GAS2: variants seen among roughly 807,000 people sequenced by gnomAD.
GAS2 encodes growth arrest-specific protein 2.
Under a neutral mutation model 37.5 loss-of-function variants are expected in GAS2, and 20 were observed. The ratio of observed to expected loss-of-function variants is 0.53; its 90% confidence interval spans 0.37 to 0.77. GAS2 has a LOEUF of 0.77. Among genes scored for constraint, GAS2 ranks in the 30% least tolerant of loss-of-function variants. The pLI is 0.00. For synonymous variants in GAS2, 144 were observed against 132.2 expected (o/e 1.09, Z -0.61); for missense variants, 336 against 373.4 (o/e 0.90, Z 0.82).
chr11:22,767,350 GT>G (rs939641106), intron 7 of GAS2, among the ~76,000 whole-genome samples: 7 of 151,236 alleles, frequency 4.6e-5, no homozygotes, highest in Admixed American at 6.6e-5. Context: ...TCCTTTTGAA[GT>G]TTTTTTTTAA....
intron 1 of GAS2, 102 bp from the exon 2 acceptor site, chr11:22,674,748 C>A: frequency 1.2e-6 from 1 of 828,392 alleles, no homozygotes; most frequent in Non-Finnish European, 1.8e-6. Flanking sequence ...ACTGAACTGT[C>A]ATCAGAAAAC....
At chr11:22,679,287 A>G (rs980527441) in intron 2 of GAS2, among the ~76,000 whole-genome samples, 1 of 152,052 alleles carries the variant, frequency 6.6e-6, no homozygotes, top group Non-Finnish European at 1.5e-5. Context: ...TTATTTAGCC[A>G]TTGTTGCCTA....
At chr11:22,680,316 TG>T (rs1849618147) in intron 2 of GAS2, among the ~76,000 whole-genome samples, 1 of 152,126 alleles carries the variant, frequency 6.6e-6, no homozygotes, top group Non-Finnish European at 1.5e-5. Flanking sequence ...AGAACCAGCT[TG>T]ATCTTTTTTG....
intron 4 of GAS2, among the ~76,000 whole-genome samples, chr11:22,737,496 A>G (rs1366932054): frequency 1.3e-5 from 2 of 152,180 alleles, no homozygotes; most frequent in African/African-American, 4.8e-5. Context: ...AATAGCTTTC[A>G]AGAGGAAGCA....
At chr11:22,689,424 T>C (rs1229457440) in intron 3 of GAS2, among the ~76,000 whole-genome samples, 3 of 152,216 alleles carry the variant, frequency 2.0e-5, no homozygotes, top group Non-Finnish European at 4.4e-5. Flanking sequence ...CACGACTGAC[T>C]GCCAGTAATA....
chr11:22,810,937 C>T (rs903817930), intron 7 of GAS2, among the ~76,000 whole-genome samples: 16 of 152,168 alleles, frequency 1.1e-4, no homozygotes, highest in African/African-American at 3.6e-4. Flanking sequence ...TTACAGTGCC[C>T]GTATGTATCC....
chr11:22,786,264 A>G (rs1855813962), intron 7 of GAS2, among the ~76,000 whole-genome samples: 1 of 152,148 alleles, frequency 6.6e-6, no homozygotes, highest in South Asian at 2.1e-4. Flanking sequence ...ACTTCATCCG[A>G]GCTGTCACCA....
At chr11:22,738,838 G>T (rs958663121) in intron 5 of GAS2, among the ~76,000 whole-genome samples, 1 of 152,060 alleles carries the variant, frequency 6.6e-6, no homozygotes, top group African/African-American at 2.4e-5. Flanking sequence ...TGTGCATCGG[G>T]TATAAATTTC....
intron 3 of GAS2, 93 bp downstream of exon 3, chr11:22,685,882 C>A: frequency 8.0e-7 from 1 of 1,255,442 alleles, no homozygotes; most frequent in Non-Finnish European, 1.1e-6. Context: ...TTATTGTGAA[C>A]GGATGCATCA....
chr11:22,626,712 CTT>C (rs1858660043), intron 1 of GAS2: 1 of 152,102 alleles, frequency 6.6e-6, no homozygotes, highest in Admixed American at 6.5e-5. Context: ...GCTGAATTTC[CTT>C]CCAGTCCTAA....
At chr11:22,777,360 A>G (rs1371033294) in intron 7 of GAS2, among the ~76,000 whole-genome samples, 1 of 152,224 alleles carries the variant, frequency 6.6e-6, no homozygotes, top group Non-Finnish European at 1.5e-5. Flanking sequence ...GAAAGACTCA[A>G]GAGTTAATTA....
Position 22,647,725 on chromosome 11 carries a change from T to A in GAS2, c.-21+21912T>A, listed in dbSNP as rs1242304681. 3.9e-5 allele frequency among the ~76,000 whole-genome samples: 6 copies of A among 152,194 alleles called. No individual in the cohort carries two copies. The East Asian group carries it at 1.2e-3, about 29-fold the overall frequency. On this transcript the variant is annotated intron_variant, in intron 1 of 5. Coordinates refer to the GAS2 transcript ENST00000528582. Reference sequence around the variant, plus strand: ...TCTTGGCTGCATAAATGTCTTCTTTTGAGAAGTGTCTGTTCATGTCCTTCG... The same window carrying A: ...TCTTGGCTGCATAAATGTCTTCTTTAGAGAAGTGTCTGTTCATGTCCTTCG...
chr11:22,749,775 C>G (rs1232912255), intron 6 of GAS2, among the ~76,000 whole-genome samples: 1 of 151,988 alleles, frequency 6.6e-6, no homozygotes, highest in Non-Finnish European at 1.5e-5. Context: ...TAGATTCCAA[C>G]AAAAGTTTTG....
At chr11:22,732,778 TCATCATC>T (rs1565115694) in intron 4 of GAS2, among the ~76,000 whole-genome samples, 1 of 105,696 alleles carries the variant, frequency 9.5e-6, no homozygotes, top group Non-Finnish European at 2.2e-5. Context: ...TTTATCATCA[TCATCATC>T]ATCATCATCA....
intron 3 of GAS2, among the ~76,000 whole-genome samples, chr11:22,688,122 G>A (rs542200854): frequency 1.2e-4 from 19 of 152,274 alleles, no homozygotes; most frequent in Middle Eastern, 6.8e-3. Context: ...GACATTAAGT[G>A]CATTTTGCTT....
intron 7 of GAS2, among the ~76,000 whole-genome samples, chr11:22,807,528 C>G (rs141871523): frequency 6.6e-6 from 1 of 152,200 alleles, no homozygotes; most frequent in South Asian, 2.1e-4. Context: ...GGTCAGCTCA[C>G]GCCTTTGGAG....
intron 3 of GAS2, among the ~76,000 whole-genome samples, chr11:22,698,255 A>G (rs1261778076): frequency 2.0e-5 from 3 of 152,224 alleles, no homozygotes; most frequent in Non-Finnish European, 4.4e-5. Flanking sequence ...ATGCAAATAA[A>G]CTAGAAAATC....
intron 5 of GAS2, among the ~76,000 whole-genome samples, chr11:22,746,449 G>A (rs1379676232): frequency 2.6e-5 from 4 of 152,054 alleles, no homozygotes; most frequent in African/African-American, 4.8e-5. Flanking sequence ...GCAAAGATGT[G>A]GAATCAATCT....
At chr11:22,713,153 GATATA>G (rs796431182) in intron 3 of GAS2, among the ~76,000 whole-genome samples, 81 of 150,830 alleles carry the variant, frequency 5.4e-4, no homozygotes, top group African/African-American at 1.9e-3. Context: ...CAGGGAAATA[GATATA>G]ATAAAGGACA....
Sources: gnomAD v4.1 joint callset for allele counts (sites outside exome capture counted in the v4.1 genomes callset) on GRCh38, gnomAD v4.1.1 for gene constraint, MANE v1.5 for transcripts, NCBI Gene and HGNC (gene_info 2026-07-23, HGNC 2026-07-21) for gene names.